Variants in MYLK observed in about 807,000 individuals in gnomAD.
MYLK encodes the protein myosin light chain kinase, also known as myosin light chain kinase, smooth muscle.
MYLK carries 106 observed loss-of-function variants against 203.4 expected under a neutral mutation model. That is an observed-to-expected ratio of 0.52 (90% CI 0.45 to 0.61). The LOEUF is 0.61. Among genes scored for constraint, MYLK ranks in the 20% least tolerant of loss-of-function variants. The pLI is 0.00. For synonymous variants in MYLK, 867 were observed against 959.5 expected (o/e 0.90, Z 1.78); for missense variants, 2,072 against 2,442.3 (o/e 0.85, Z 3.20).
chr3:123,659,257 G>A (rs2059487894), intron 23 of MYLK, among the ~76,000 whole-genome samples: 1 of 152,212 alleles, frequency 6.6e-6, no homozygotes. Flanking sequence ...ATTGGCCACA[G>A]TTGGAGTTGT....
chr3:123,717,971 C>T (rs4678046), intron 13 of MYLK, among the ~76,000 whole-genome samples: 51,382 of 151,398 alleles, frequency 0.34, 10,235 homozygotes, highest in South Asian at 0.51. Flanking sequence ...AAGCAATCCT[C>T]CTGCCTCAGC....
At chr3:123,626,202 G>A (rs142382540) in intron 31 of MYLK, among the ~76,000 whole-genome samples, 18 of 152,288 alleles carry the variant, frequency 1.2e-4, no homozygotes, top group African/African-American at 3.6e-4. Flanking sequence ...CACTCACCAT[G>A]TGCCAGGCAT....
At chr3:123,673,245 C>T (rs528634989) in intron 20 of MYLK, among the ~76,000 whole-genome samples, 21 of 150,858 alleles carry the variant, frequency 1.4e-4, no homozygotes, top group African/African-American at 4.9e-4. Flanking sequence ...TCACTGTAGC[C>T]TCGACCTGCT....
chr3:123,714,848 G>A (rs555630946), intron 13 of MYLK, among the ~76,000 whole-genome samples: 1 of 152,154 alleles, frequency 6.6e-6, no homozygotes. Flanking sequence ...AGGATTGATC[G>A]GGCTGTCGTC....
At chr3:123,729,372 A>G (rs1157965102) in intron 11 of MYLK, among the ~76,000 whole-genome samples, 1 of 152,250 alleles carries the variant, frequency 6.6e-6, no homozygotes, top group Non-Finnish European at 1.5e-5. Context: ...CAGCCTTTAC[A>G]GAATGGGAGA....
chr3:123,767,597 ACT>A (rs1253615858), intron 4 of MYLK, among the ~76,000 whole-genome samples: 1 of 152,146 alleles, frequency 6.6e-6, no homozygotes, highest in Non-Finnish European at 1.5e-5. Context: ...ACAGGGTGAG[ACT>A]CTGTCTCAAA....
chr3:123,820,624 T>TTCCTTCCTTCCTTCCC (rs2065893537), intron 3 of MYLK, among the ~76,000 whole-genome samples: 5 of 138,272 alleles, frequency 3.6e-5, no homozygotes, highest in South Asian at 4.8e-4. Context: ...CCTTCCTTCC[T>TTCCTTCCTTCCTTCCC]TCCTTCCTTC....
At chr3:123,763,242 C>G (rs2063591539) in intron 4 of MYLK, among the ~76,000 whole-genome samples, 1 of 152,232 alleles carries the variant, frequency 6.6e-6, no homozygotes, top group Non-Finnish European at 1.5e-5. Flanking sequence ...CAGTAATGGT[C>G]AAATGCATCA....
intron 4 of MYLK, among the ~76,000 whole-genome samples, chr3:123,781,704 G>T (rs2064304889): frequency 6.6e-6 from 1 of 152,030 alleles, no homozygotes; most frequent in Non-Finnish European, 1.5e-5. Flanking sequence ...AAGATGATTT[G>T]GTCCAACTCT....
At chr3:123,832,734 A>C (rs1433781642) in intron 2 of MYLK, among the ~76,000 whole-genome samples, 2 of 152,096 alleles carry the variant, frequency 1.3e-5, no homozygotes, top group Non-Finnish European at 2.9e-5. Context: ...ACCATCTTGG[A>C]AGCAGAAAAC....
chr3:123,664,252 C>T lies in MYLK; in HGVS notation c.3838G>A (p.Glu1280Lys). The T allele has an allele frequency of 6.2e-7, 1 of 1,614,172 alleles. No individual in the cohort carries two copies. The highest frequency in any genetic ancestry group is 8.5e-7 in the Non-Finnish European group (1 of 1,180,034). Reference protein sequence around the residue: ...TWMKFRKQIQESEHMKVENSE... With the variant: ...TWMKFRKQIQKSEHMKVENSE... ...TTCTCCACCTTCATGTGCTCGCTTT[C>T]CTGGATCTAGGGGCGGAGGATGGAG... The change falls in exon 23 of 34, where the codon GAA becomes AAA. Residue 1280 changes from glutamate (E) to lysine (K), a missense_variant. Physicochemically the swap from Glu to Lys is moderately conservative, Grantham distance 56. This residue lies in a region of MYLK where 865 missense variants were observed against 1,016.0 expected (regional missense o/e 0.85). Coordinates refer to ENST00000360304, the MANE Select transcript of MYLK (RefSeq NM_053025.4).
intron 11 of MYLK, among the ~76,000 whole-genome samples, chr3:123,732,450 G>A (rs1279670965): frequency 6.6e-6 from 1 of 152,118 alleles, no homozygotes; most frequent in Non-Finnish European, 1.5e-5. Flanking sequence ...TGAGTCATAA[G>A]GTTATATATT....
At position 123,823,157 on chromosome 3, in the gene MYLK, G is replaced by A. The variant is rs567289755; in HGVS notation, c.-4+8391C>T. ...CTTCCCTTGGTTTCTGGAATGCCAT[G>A]CTCTCCTGTTTTTCTTCCTACTTCC... is the stretch of plus-strand genomic sequence containing the variant. On this transcript the variant is annotated intron_variant, in intron 3 of 33. Coordinates refer to ENST00000360304, the MANE Select transcript of MYLK (RefSeq NM_053025.4). Among the ~76,000 whole-genome samples, 4 of 152,238 alleles carry A rather than the reference G, an allele frequency of 2.6e-5. No homozygotes were observed. In the South Asian group the frequency reaches 6.2e-4, roughly 24 times the overall value.
At position 123,733,676 on chromosome 3, in the gene MYLK, C is replaced by T. The variant is rs751147409; in HGVS notation, c.1309+11G>A. On this transcript the variant is annotated intron_variant, in intron 10 of 33. Transcript: ENST00000360304. Reference sequence around the variant, plus strand: ...TTTTGGCAATCGGTGACCCTAATTACCTCTACTCACCTTCACATCTGAACT... The same window carrying T: ...TTTTGGCAATCGGTGACCCTAATTATCTCTACTCACCTTCACATCTGAACT... 2 of 1,613,740 alleles carry T rather than the reference C, an allele frequency of 1.2e-6. No individual in the cohort carries two copies. Among genetic ancestry groups the T allele is most frequent in the South Asian group, 2.2e-5 (2 of 91,080 alleles).
intron 3 of MYLK, among the ~76,000 whole-genome samples, chr3:123,803,124 C>A (rs1357870612): frequency 6.6e-6 from 1 of 152,114 alleles, no homozygotes; most frequent in Non-Finnish European, 1.5e-5. Flanking sequence ...AGGAGGGTGG[C>A]TTGAGGCAAT....
intron 11 of MYLK, among the ~76,000 whole-genome samples, chr3:123,727,562 C>A: frequency 6.6e-6 from 1 of 152,068 alleles, no homozygotes; most frequent in African/African-American, 2.4e-5. Context: ...GCATTTAGCA[C>A]AAAACCCAGC....
intron 20 of MYLK, among the ~76,000 whole-genome samples, chr3:123,677,856 T>C (rs964496427): frequency 2.1e-5 from 3 of 141,684 alleles, no homozygotes; most frequent in Non-Finnish European, 3.0e-5. Flanking sequence ...GGTAGGTACC[T>C]ATCTCTATCT....
intron 4 of MYLK, among the ~76,000 whole-genome samples, chr3:123,780,749 T>G (rs2064264901): frequency 6.6e-6 from 1 of 152,112 alleles, no homozygotes; most frequent in Admixed American, 6.5e-5. Context: ...TTTAAATCCA[T>G]CCCTGCTCAG....
chr3:123,825,344 AC>A, intron 3 of MYLK, among the ~76,000 whole-genome samples: 1 of 152,140 alleles, frequency 6.6e-6, no homozygotes, highest in Non-Finnish European at 1.5e-5. Flanking sequence ...GCATGGAGCC[AC>A]CCAACCTCTG....
Sources: gnomAD v4.1 joint callset for allele counts (sites outside exome capture counted in the v4.1 genomes callset) on GRCh38, gnomAD v4.1.1 for gene constraint, gnomAD v4.1.1 regional missense constraint, MANE v1.5 for transcripts, NCBI Gene and HGNC (gene_info 2026-07-23, HGNC 2026-07-21) for gene names.